TMEM143: variants seen among roughly 807,000 people sequenced by gnomAD.
TMEM143 encodes transmembrane protein 143.
A neutral mutation model predicts 40.3 loss-of-function variants in TMEM143; 45 were observed. The observed-to-expected ratio is 1.12, with a 90% CI of 0.88 to 1.43. The LOEUF (loss-of-function observed/expected upper bound fraction) is 1.43, where lower values mean the gene tolerates loss of function less well. Ranked by LOEUF, TMEM143 falls within the 40% of genes most tolerant of loss-of-function variation. The pLI is 0.00. For synonymous variants in TMEM143, 299 were observed against 282.7 expected (o/e 1.06, Z -0.58); for missense variants, 620 against 613.4 (o/e 1.01, Z -0.11).
intron 6 of TMEM143, among the ~76,000 whole-genome samples, chr19:48,341,492 C>T (rs1201670326): frequency 2.0e-5 from 3 of 152,134 alleles, no homozygotes; most frequent in Admixed American, 2.0e-4. Flanking sequence ...GATAATGATA[C>T]CCAGTCAGGA....
chr19:48,339,061 G>C (rs1969432308), intron 6 of TMEM143, among the ~76,000 whole-genome samples: 1 of 152,014 alleles, frequency 6.6e-6, no homozygotes, highest in Non-Finnish European at 1.5e-5. Context: ...GTGAGGCTGG[G>C]AAGCAGGGTC....
In TMEM143 at chr19:48,339,713, G is replaced by A. The variant is rs1044255048; in HGVS notation, c.975+2817C>T. Reference sequence around the variant, plus strand: ...AGGAGGGAGTCTGGGAGGGCCAACTGTTTTTTTGTTTCTTTGTTTGTTTGT... The same window carrying A: ...AGGAGGGAGTCTGGGAGGGCCAACTATTTTTTTGTTTCTTTGTTTGTTTGT... On this transcript the variant is annotated intron_variant, in intron 6 of 7. Transcript: ENST00000293261. 2.6e-5 allele frequency among the ~76,000 whole-genome samples: 4 copies of A among 151,964 alleles called. No individual in the cohort carries two copies. The South Asian group carries it at 6.2e-4, about 24-fold the overall frequency.
In TMEM143 at chr19:48,334,075, G is replaced by C. The variant is rs1397082581; in HGVS notation, c.1098C>G (p.Thr366=). Residue 366 remains threonine, a synonymous_variant, in exon 7 of 8, where the codon ACC becomes ACG. Coordinates refer to ENST00000293261, the MANE Select transcript of TMEM143 (RefSeq NM_018273.4). ...ALALRAQDEH[T]KEALLAHSFL... ...AGCTGTGAGCCAGCAGCGCCTCCTTGGTGTGCTCGTCCTGCGCGCGCAGGG... is the reference window on the plus strand; with the variant it reads ...AGCTGTGAGCCAGCAGCGCCTCCTTCGTGTGCTCGTCCTGCGCGCGCAGGG... 8 of 1,586,426 alleles carry C rather than the reference G, an allele frequency of 5.0e-6. No homozygotes were observed. Among genetic ancestry groups the C allele is most frequent in the East Asian group, 2.3e-5 (1 of 43,494 alleles).
Position 48,345,145 on chromosome 19 carries a change from T to C in TMEM143, c.564+15A>G, listed in dbSNP as rs1365502365. The stretch of plus-strand genomic sequence containing the variant: ...AGGCCTCCTGGGAGTTTTGTTCTCC[T>C]AGGGAGCCAAGTACCTGGACCTCAT... On this transcript the variant is annotated intron_variant, in intron 4 of 7. Coordinates refer to ENST00000293261, the MANE Select transcript of TMEM143 (RefSeq NM_018273.4). The C allele has an allele frequency of 2.5e-6, 4 of 1,611,518 alleles. No individual in the cohort carries two copies. In the East Asian group the frequency reaches 6.7e-5, roughly 27 times the overall value.
intron 3 of TMEM143, among the ~76,000 whole-genome samples, chr19:48,355,273 C>T (rs1023671514): frequency 1.3e-5 from 2 of 152,028 alleles, no homozygotes; most frequent in Non-Finnish European, 2.9e-5. Context: ...TCAAGTGATC[C>T]GCCTACCTCG....
At chr19:48,346,744 A>G (rs1295708096) in intron 3 of TMEM143, among the ~76,000 whole-genome samples, 1 of 151,298 alleles carries the variant, frequency 6.6e-6, no homozygotes, top group Non-Finnish European at 1.5e-5. Flanking sequence ...CGCCTGGCTA[A>G]TTTTTGTATT....
chr19:48,358,681 C>T (rs894158646), intron 3 of TMEM143, among the ~76,000 whole-genome samples: 3 of 152,186 alleles, frequency 2.0e-5, no homozygotes, highest in Admixed American at 1.3e-4. Flanking sequence ...CCATTTCCAT[C>T]GCTATTACCC....
intron 3 of TMEM143, among the ~76,000 whole-genome samples, chr19:48,347,146 A>G (rs1969653331): frequency 6.6e-6 from 1 of 152,144 alleles, no homozygotes; most frequent in Non-Finnish European, 1.5e-5. Flanking sequence ...TCACGGAGAG[A>G]CTGAGTCTCA....
chr19:48,352,768 C>A (rs1416159741), intron 3 of TMEM143, among the ~76,000 whole-genome samples: 1 of 151,916 alleles, frequency 6.6e-6, no homozygotes, highest in East Asian at 1.9e-4. Context: ...GAGCAAAAAT[C>A]TGTCTCAGAA....
At chr19:48,341,869 C>T (rs1969494583) in intron 6 of TMEM143, among the ~76,000 whole-genome samples, 1 of 152,010 alleles carries the variant, frequency 6.6e-6, no homozygotes, top group Non-Finnish European at 1.5e-5. Context: ...TAGCCCCTAC[C>T]ACGAGCCGAG....
chr19:48,338,598 G>A (rs944791894), intron 6 of TMEM143, among the ~76,000 whole-genome samples: 2 of 152,216 alleles, frequency 1.3e-5, no homozygotes, highest in Non-Finnish European at 1.5e-5. Context: ...ATCACCTCTC[G>A]CGGACGAGCA....
At position 48,360,160 on chromosome 19, in the gene TMEM143, G is replaced by A. The variant is rs764990466; in HGVS notation, c.281C>T (p.Pro94Leu). 2.4e-5 allele frequency: 38 copies of A among 1,614,026 alleles called. 1 individual carries two copies. In the South Asian group the frequency reaches 3.2e-4, roughly 14 times the overall value. Residue 94 changes from proline (P) to leucine (L), a missense_variant, in exon 3 of 8, where the codon CCG becomes CTG. By Grantham distance (98) the Pro-to-Leu change is moderately conservative. Transcript: ENST00000293261. ...RLLIQEFHSS[P>L]AEKAALEAFS... ...CGCCTCCAAAGCCGCCTTCTCTGCC[G>A]GACTCGAGTGGAATTCCTGTTACCT...
At position 48,363,382 on chromosome 19, in the gene TMEM143, C is replaced by T; in HGVS notation, c.173G>A (p.Trp58Ter). The T allele has an allele frequency of 6.2e-7, 1 of 1,614,190 alleles. No individual in the cohort carries two copies. The highest frequency in any genetic ancestry group is 8.5e-7 in the Non-Finnish European group (1 of 1,180,026). ...CCAGTCGCGGGGCTCCCTGGGGTTC[C>T]ACATCTTGCGATACTCCCCCATTTT... ...AAKMGEYRKM[W>*]NPREPRDWAQ... The change falls in exon 2 of 8, where the codon TGG becomes TAG. Residue 58 changes from tryptophan (W) to a stop codon, truncating the protein, a stop_gained. Transcript: ENST00000293261. LOFTEE classifies it high-confidence loss of function.
chr19:48,361,238 GAGA>G (rs1348282534), intron 2 of TMEM143, among the ~76,000 whole-genome samples: 4 of 109,298 alleles, frequency 3.7e-5, no homozygotes, highest in South Asian at 2.9e-4. Context: ...TTTTTTTTTT[GAGA>G]AGGAGTCTCA....
chr19:48,336,767 G>A (rs1205545765), intron 6 of TMEM143, among the ~76,000 whole-genome samples: 1 of 151,836 alleles, frequency 6.6e-6, no homozygotes, highest in African/African-American at 2.4e-5. Context: ...AGGCCGAGGC[G>A]GGTGGATCAC....
chr19:48,340,546 T>G (rs116229383), intron 6 of TMEM143, among the ~76,000 whole-genome samples: 1,946 of 152,220 alleles, frequency 0.013, 38 homozygotes, highest in African/African-American at 0.045. Context: ...ACTACAGGCA[T>G]GTGCCACCAT....
chr19:48,333,345 C>T lies in TMEM143; in HGVS notation c.1254G>A (p.Leu418=). The change falls in exon 8 of 8, where the codon CTG becomes CTA. Residue 418 remains leucine (L), a synonymous_variant. Transcript: ENST00000293261. The surrounding 1 kb of genome is among the most constrained non-coding windows in gnomAD (Gnocchi z 4.1). ...TGGGGGTCAGGGCCTGCAGATGCGC[C>T]AGGGCCCGAGTTCCGTTGAAGGTCA... ...CEVTFNGTRA[L]AHLQALTPSM... is the part of the protein sequence containing the mutation. 1 of 1,610,324 alleles carries T rather than the reference C, an allele frequency of 6.2e-7. No homozygotes were observed.
chr19:48,362,994 T>A (rs1970085721), intron 2 of TMEM143, among the ~76,000 whole-genome samples: 1 of 152,220 alleles, frequency 6.6e-6, no homozygotes, highest in African/African-American at 2.4e-5. Flanking sequence ...GTAGAAATAG[T>A]AATGATGAGG....
In TMEM143 at chr19:48,333,352, C is replaced by G. The variant is rs1219080524; in HGVS notation, c.1247G>C (p.Arg416Pro). The G allele has an allele frequency of 8.7e-6, 14 of 1,609,816 alleles. No individual in the cohort carries two copies. Among genetic ancestry groups the G allele is most frequent in the Non-Finnish European group, 1.0e-5 (12 of 1,177,132 alleles). ...SGCEVTFNGT[R>P]ALAHLQALTP... The stretch of plus-strand genomic sequence containing the variant: ...CAGGGCCTGCAGATGCGCCAGGGCC[C>G]GAGTTCCGTTGAAGGTCACCTCACA... The change falls in exon 8 of 8, where the codon CGG becomes CCG. Residue 416 changes from arginine (R) to proline (P), a missense_variant. Arg to Pro is a moderately radical substitution (Grantham distance 103). Coordinates refer to ENST00000293261, the MANE Select transcript of TMEM143 (RefSeq NM_018273.4). This position sits in a 1 kb window ranked among gnomAD's most constrained non-coding sequence, Gnocchi z 4.1.
Sources: allele counts gnomAD v4.1 joint callset (sites outside exome capture counted in the v4.1 genomes callset), GRCh38; gene constraint gnomAD v4.1.1; non-coding constraint Gnocchi (gnomAD v3.1); transcripts MANE v1.5; gene names NCBI Gene and HGNC (gene_info 2026-07-23, HGNC 2026-07-21).